Variants in MINDY4 observed in about 807,000 individuals in gnomAD.
MINDY4 encodes MINDY lysine 48 deubiquitinase 4.
Under a neutral mutation model 87.0 loss-of-function variants are expected in MINDY4, and 68 were observed. That is an observed-to-expected ratio of 0.78 (90% CI 0.64 to 0.96). The LOEUF is 0.96. Among genes scored for constraint, MINDY4 ranks in the 40% least tolerant of loss-of-function variants. The pLI, the probability that MINDY4 is intolerant of heterozygous loss-of-function variation, is 0.00. For synonymous variants in MINDY4, 379 were observed against 363.2 expected (o/e 1.04, Z -0.50); for missense variants, 919 against 928.2 (o/e 0.99, Z 0.13).
At chr7:30,789,642 G>A (rs1787261341) in intron 4 of MINDY4, among the ~76,000 whole-genome samples, 1 of 152,176 alleles carries the variant, frequency 6.6e-6, no homozygotes, top group Non-Finnish European at 1.5e-5. Flanking sequence ...GAGTGGCTTT[G>A]GGAGGAGGTT....
chr7:30,845,720 G>A lies in MINDY4; in HGVS notation c.1446-4734G>A, dbSNP rs563405557. On this transcript the variant is annotated intron_variant, in intron 9 of 17. Transcript: ENST00000265299. ...CCTCAGATGTTGCCCACCACATCTG[G>A]TGGGGAAATGGTTCTGTGAAAGCAG... 2.1e-4 allele frequency among the ~76,000 whole-genome samples: 32 copies of A among 152,258 alleles called. No homozygotes were observed. The Middle Eastern group carries it at 0.02, about 97-fold the overall frequency.
chr7:30,831,852 G>A (rs1382249088), intron 6 of MINDY4, among the ~76,000 whole-genome samples: 1 of 152,132 alleles, frequency 6.6e-6, no homozygotes, highest in Non-Finnish European at 1.5e-5. Context: ...CCTACAAAAA[G>A]CACATAAAAT....
intron 5 of MINDY4, among the ~76,000 whole-genome samples, chr7:30,821,100 C>G (rs937242092): frequency 3.3e-4 from 51 of 152,282 alleles, no homozygotes; most frequent in African/African-American, 1.2e-3. Context: ...GAAGCTTTAA[C>G]TCTGATGATT....
chr7:30,828,818 CG>C, intron 6 of MINDY4, 81 bp downstream of exon 6: 5 of 1,440,950 alleles, frequency 3.5e-6, no homozygotes, highest in Non-Finnish European at 3.9e-6. Context: ...GATGGGTGGT[CG>C]GGGGCCCCTT....
intron 12 of MINDY4, among the ~76,000 whole-genome samples, chr7:30,854,613 T>C (rs10235270): frequency 0.26 from 39,815 of 152,016 alleles, 6,756 homozygotes; most frequent in African/African-American, 0.47. Flanking sequence ...CCATTCTTTT[T>C]GGCCCCACAG....
chr7:30,784,866 C>G (rs1787111501), intron 3 of MINDY4, among the ~76,000 whole-genome samples: 1 of 152,174 alleles, frequency 6.6e-6, no homozygotes, highest in African/African-American at 2.4e-5. Context: ...TGACCCAGTG[C>G]CTGGTAAGCA....
At chr7:30,820,631 A>G (rs1448959175) in intron 5 of MINDY4, among the ~76,000 whole-genome samples, 1 of 152,200 alleles carries the variant, frequency 6.6e-6, no homozygotes, top group Non-Finnish European at 1.5e-5. Context: ...ACTTAACATA[A>G]TGTTTTTGAG....
At chr7:30,819,824 G>A (rs1323990016) in intron 5 of MINDY4, among the ~76,000 whole-genome samples, 1 of 150,670 alleles carries the variant, frequency 6.6e-6, no homozygotes, top group Non-Finnish European at 1.5e-5. Context: ...TAGTATACAA[G>A]TGGTATATTT....
Position 30,828,615 on chromosome 7 carries a change from C to T in MINDY4, c.1074-64C>T. On this transcript the variant is annotated intron_variant, in intron 5 of 17. Transcript: ENST00000265299. ...ATGCCTATCCATCGCTCTTAACAGTCTTCTCTGCCGTTTACATTTCTCTGT... is the reference window on the plus strand; with the variant it reads ...ATGCCTATCCATCGCTCTTAACAGTTTTCTCTGCCGTTTACATTTCTCTGT... 8 of 1,545,806 alleles carry T rather than the reference C, an allele frequency of 5.2e-6. No homozygotes were observed. The South Asian group carries it at 8.9e-5, about 17-fold the overall frequency.
intron 16 of MINDY4, 146 bp downstream of exon 16, chr7:30,882,507 C>T: frequency 1.3e-6 from 1 of 780,378 alleles, no homozygotes; most frequent in Non-Finnish European, 2.0e-6. Context: ...GATCAGAGAG[C>T]CAATGCCAGC....
rs772852915 is a variant in MINDY4, at chr7:30,771,444, T to A, written c.-50T>A. 5 of 1,572,974 alleles carry A rather than the reference T, an allele frequency of 3.2e-6. No individual in the cohort carries two copies. The East Asian group carries it at 1.1e-4, about 36-fold the overall frequency. ...ACTGCGCCGGACAGACCCAGTTGCC[T>A]GGTGCTGCGGCCCGGCGTGGGCCTC... On this transcript the variant is annotated 5_prime_UTR_variant, in exon 1 of 18. Transcript: ENST00000265299.
At chr7:30,877,607 C>T (rs1216078147) in intron 15 of MINDY4, among the ~76,000 whole-genome samples, 1 of 152,064 alleles carries the variant, frequency 6.6e-6, no homozygotes, top group Non-Finnish European at 1.5e-5. Flanking sequence ...TGGGCCTCAA[C>T]CCCTGCCTTC....
At chr7:30,871,433 T>A (rs1409394271) in intron 13 of MINDY4, among the ~76,000 whole-genome samples, 2 of 152,140 alleles carry the variant, frequency 1.3e-5, no homozygotes, top group Non-Finnish European at 2.9e-5. Flanking sequence ...ATGGCAGGCT[T>A]CCTAGCAGGA....
intron 2 of MINDY4, chr7:30,780,967 C>T (rs1007483969): frequency 6.6e-6 from 1 of 152,188 alleles, no homozygotes; most frequent in African/African-American, 2.4e-5. Flanking sequence ...CGGGTTTTGT[C>T]TGATGAATCT....
At chr7:30,874,169 C>A (rs1318744527) in intron 14 of MINDY4, among the ~76,000 whole-genome samples, 1 of 152,240 alleles carries the variant, frequency 6.6e-6, no homozygotes, top group Admixed American at 6.5e-5. Flanking sequence ...TCACAGGCAG[C>A]GCCAGCTGTG....
chr7:30,830,885 G>T (rs550943735), intron 6 of MINDY4, among the ~76,000 whole-genome samples: 204 of 152,310 alleles, frequency 1.3e-3, no homozygotes, highest in African/African-American at 4.5e-3. Context: ...TTGGTTGGAG[G>T]TAATGGCCCT....
At chr7:30,864,229 C>T (rs1042401615) in intron 13 of MINDY4, among the ~76,000 whole-genome samples, 1 of 152,248 alleles carries the variant, frequency 6.6e-6, no homozygotes, top group African/African-American at 2.4e-5. Flanking sequence ...AGGGATGACG[C>T]TGGGCAGGAC....
chr7:30,868,409 A>C (rs73301947), intron 13 of MINDY4, among the ~76,000 whole-genome samples: 1 of 152,230 alleles, frequency 6.6e-6, no homozygotes, highest in African/African-American at 2.4e-5. Flanking sequence ...TCCTGGCCTT[A>C]CAAGGCTTTT....
chr7:30,856,374 A>G (rs1789568837), intron 12 of MINDY4, among the ~76,000 whole-genome samples: 1 of 152,120 alleles, frequency 6.6e-6, no homozygotes, highest in African/African-American at 2.4e-5. Context: ...GTGTTCCAGC[A>G]AGGGCAAGAA....
Sources: allele counts gnomAD v4.1 joint callset (sites outside exome capture counted in the v4.1 genomes callset), GRCh38; gene constraint gnomAD v4.1.1; transcripts MANE v1.5; gene names NCBI Gene and HGNC (gene_info 2026-07-23, HGNC 2026-07-21).